The following CSTPP1 variants were observed in gnomAD, a reference collection of about 807,000 sequenced individuals.
The protein encoded by CSTPP1 is UPF0705 protein C11orf49.
the CSTPP1 span, among the ~76,000 whole-genome samples, chr11:47,025,468 C>T: frequency 6.6e-6 from 1 of 152,102 alleles, no homozygotes; most frequent in Non-Finnish European, 1.5e-5. Context: ...GGAGACTTGG[C>T]CTATTATTAA....
the CSTPP1 span, among the ~76,000 whole-genome samples, chr11:46,977,995 G>A: frequency 3.9e-5 from 6 of 152,188 alleles, no homozygotes; most frequent in Non-Finnish European, 8.8e-5. Context: ...GATATTTAGC[G>A]TTTCCCACCT....
At chr11:47,066,610 A>G in the CSTPP1 span, among the ~76,000 whole-genome samples, 2,192 of 152,332 alleles carry the variant, frequency 0.014, 51 homozygotes, top group African/African-American at 0.05. Context: ...ATCAAATACA[A>G]ATTTATAAAG....
chr11:47,015,337 G>GCA, the CSTPP1 span, among the ~76,000 whole-genome samples: 22 of 151,848 alleles, frequency 1.4e-4, no homozygotes. Flanking sequence ...AGCCAGGCAT[G>GCA]GTGGTGCGCG....
At chr11:47,096,161 T>G in the CSTPP1 span, among the ~76,000 whole-genome samples, 1 of 152,236 alleles carries the variant, frequency 6.6e-6, no homozygotes, top group African/African-American at 2.4e-5. Context: ...AACCTTTTTC[T>G]GAATTTTTAA....
chr11:47,155,404 C>A, the CSTPP1 span: 2 of 780,508 alleles, frequency 2.6e-6, no homozygotes, highest in South Asian at 1.5e-5. Flanking sequence ...GGGTCGCTAA[C>A]AGGATGTCTA....
At chr11:47,121,111 A>G in the CSTPP1 span, among the ~76,000 whole-genome samples, 4 of 152,264 alleles carry the variant, frequency 2.6e-5, no homozygotes, top group African/African-American at 9.6e-5. Context: ...GGAAAAGATC[A>G]TTGCCTTCAG....
the CSTPP1 span, among the ~76,000 whole-genome samples, chr11:47,090,240 C>T: frequency 6.6e-6 from 1 of 152,182 alleles, no homozygotes; most frequent in Non-Finnish European, 1.5e-5. Context: ...CCGCCTTGGC[C>T]TCCCAAAGTG....
At chr11:47,020,723 A>G in the CSTPP1 span, among the ~76,000 whole-genome samples, 1 of 152,230 alleles carries the variant, frequency 6.6e-6, no homozygotes, top group African/African-American at 2.4e-5. Flanking sequence ...TTTGTAACAT[A>G]CAAGATCTTA....
the CSTPP1 span, among the ~76,000 whole-genome samples, chr11:46,951,323 G>T: frequency 1.8e-3 from 254 of 143,392 alleles, no homozygotes; most frequent in Non-Finnish European, 1.6e-3. Flanking sequence ...TTGAGACAAG[G>T]TCTCACTCTG....
At chr11:46,951,174 T>A in the CSTPP1 span, among the ~76,000 whole-genome samples, 1 of 152,284 alleles carries the variant, frequency 6.6e-6, no homozygotes, top group South Asian at 2.1e-4. Context: ...TGTTAGCCAC[T>A]TTCTTTCAGG....
the CSTPP1 span, among the ~76,000 whole-genome samples, chr11:47,077,617 G>T: frequency 6.6e-6 from 1 of 152,162 alleles, no homozygotes; most frequent in Non-Finnish European, 1.5e-5. Flanking sequence ...TTAGGAAGAT[G>T]AAATTATGAG....
At chr11:47,041,876 G>A in the CSTPP1 span, 6 of 342,300 alleles carry the variant, frequency 1.8e-5, no homozygotes, top group South Asian at 1.3e-4. Context: ...CCACCTTTGC[G>A]CCAGCAAGGA....
chr11:47,048,709 A>G, the CSTPP1 span, among the ~76,000 whole-genome samples: 1 of 152,134 alleles, frequency 6.6e-6, no homozygotes, highest in Non-Finnish European at 1.5e-5. Context: ...TAATTGATGT[A>G]GAGTTTTTGT....
At chr11:47,088,072 C>G in the CSTPP1 span, among the ~76,000 whole-genome samples, 1 of 152,184 alleles carries the variant, frequency 6.6e-6, no homozygotes, top group African/African-American at 2.4e-5. Flanking sequence ...AGCCACAGTG[C>G]CTTTATCACT....
the CSTPP1 span, among the ~76,000 whole-genome samples, chr11:47,124,077 AG>A: frequency 6.8e-6 from 1 of 146,370 alleles, no homozygotes; most frequent in Admixed American, 6.9e-5. Flanking sequence ...TGAGATTAAA[AG>A]GTTTGTACAT....
At chr11:47,149,992 C>T in the CSTPP1 span, among the ~76,000 whole-genome samples, 1 of 152,094 alleles carries the variant, frequency 6.6e-6, no homozygotes, top group African/African-American at 2.4e-5. Flanking sequence ...ATCCCCGTGG[C>T]ATCTCCCCAA....
At chr11:47,162,674 C>CTTCT in the CSTPP1 span, among the ~76,000 whole-genome samples, 1 of 152,136 alleles carries the variant, frequency 6.6e-6, no homozygotes, top group African/African-American at 2.4e-5. Context: ...GTGTCTTCAA[C>CTTCT]TTCTTTGGAT....
the CSTPP1 span, among the ~76,000 whole-genome samples, chr11:47,152,355 G>A: frequency 1.3e-5 from 2 of 152,146 alleles, no homozygotes; most frequent in African/African-American, 4.8e-5. Flanking sequence ...TTCTGCAACG[G>A]CCCATCTCCA....
At chr11:47,017,882 G>T in the CSTPP1 span, among the ~76,000 whole-genome samples, 1 of 151,616 alleles carries the variant, frequency 6.6e-6, no homozygotes. Flanking sequence ...TGGCCAGGCT[G>T]GTCTCGAACT....
Sources: gnomAD v4.1 joint callset for allele counts (sites outside exome capture counted in the v4.1 genomes callset) on GRCh38, gnomAD v4.1.1 for gene constraint, MANE v1.5 for transcripts, NCBI Gene and HGNC (gene_info 2026-07-23, HGNC 2026-07-21) for gene names.